The following PHACTR4 variants were observed in gnomAD, a reference collection of about 807,000 sequenced individuals.
PHACTR4 encodes the protein phosphatase and actin regulator 4.
In PHACTR4, 51 loss-of-function variants were observed where a neutral mutation model predicts 72.7. The observed-to-expected ratio is 0.70, with a 90% CI of 0.56 to 0.89. The LOEUF (loss-of-function observed/expected upper bound fraction) is 0.89, where lower values mean the gene tolerates loss of function less well. Among genes scored for constraint, PHACTR4 ranks in the 40% least tolerant of loss-of-function variants. PHACTR4 has a pLI of 0.00. For missense variants in PHACTR4, 731 were observed against 861.8 expected (o/e 0.85, Z 1.90); for synonymous variants, 255 against 302.5 (o/e 0.84, Z 1.63).
chr1:28,459,400 T>C (rs1226851795), intron 3 of PHACTR4, 142 bp downstream of exon 3: 6 of 572,984 alleles, frequency 1.0e-5, no homozygotes, highest in African/African-American at 6.2e-5. Context: ...TTCTTCTTTT[T>C]TTTTTTTTTT....
chr1:28,412,262 A>G (rs924286444), intron 2 of PHACTR4, among the ~76,000 whole-genome samples: 1 of 152,216 alleles, frequency 6.6e-6, no homozygotes, highest in Non-Finnish European at 1.5e-5. Context: ...CCTGTCAGCT[A>G]TCTAAGCTTG....
intron 1 of PHACTR4, among the ~76,000 whole-genome samples, chr1:28,378,774 T>C (rs887928797): frequency 9.2e-5 from 14 of 151,506 alleles, no homozygotes; most frequent in African/African-American, 2.9e-4. Context: ...TAGGAGGAAA[T>C]AGAATGAAAA....
At chr1:28,439,139 A>C (rs1656824651) in intron 2 of PHACTR4, among the ~76,000 whole-genome samples, 1 of 152,174 alleles carries the variant, frequency 6.6e-6, no homozygotes, top group South Asian at 2.1e-4. Flanking sequence ...AAACAGTTTT[A>C]AGCAGATGTT....
rs202199834 is a variant in PHACTR4, at chr1:28,491,030, T to A, written c.1878+18T>A. ...CTAGAAAGGTACTACTGCCTGTGTG[T>A]TCAGTTAACTATATGTGTTATATTT... On this transcript the variant is annotated intron_variant, in intron 11 of 13. Transcript: ENST00000373839. 5.0e-6 allele frequency: 8 copies of A among 1,604,400 alleles called. No individual in the cohort carries two copies. The highest frequency in any genetic ancestry group is 1.7e-4 in the Middle Eastern group (1 of 6,052).
At chr1:28,391,961 C>T (rs958874860) in intron 1 of PHACTR4, among the ~76,000 whole-genome samples, 1 of 152,058 alleles carries the variant, frequency 6.6e-6, no homozygotes, top group Non-Finnish European at 1.5e-5. Flanking sequence ...TAAGTGTTCT[C>T]ACCACAAAGA....
chr1:28,461,540 T>C (rs1360563575), intron 4 of PHACTR4, among the ~76,000 whole-genome samples: 1 of 152,214 alleles, frequency 6.6e-6, no homozygotes, highest in Non-Finnish European at 1.5e-5. Flanking sequence ...CATGCGAATA[T>C]ATTGCCTATT....
chr1:28,401,377 G>A (rs1277513463), intron 1 of PHACTR4, among the ~76,000 whole-genome samples: 1 of 149,176 alleles, frequency 6.7e-6, no homozygotes, highest in African/African-American at 2.5e-5. Context: ...CACGATCTTG[G>A]CTCACTGCAA....
At chr1:28,467,828 C>T (rs552016045) in intron 6 of PHACTR4, among the ~76,000 whole-genome samples, 1 of 151,994 alleles carries the variant, frequency 6.6e-6, no homozygotes, top group African/African-American at 2.4e-5. Context: ...TGCATTTACC[C>T]AAAGTTCTAT....
intron 9 of PHACTR4, among the ~76,000 whole-genome samples, chr1:28,488,288 G>A (rs542056209): frequency 1.3e-5 from 2 of 152,008 alleles, no homozygotes; most frequent in South Asian, 2.1e-4. Context: ...ACAAGGTCAG[G>A]AGATCGAGAC....
intron 1 of PHACTR4, among the ~76,000 whole-genome samples, chr1:28,379,958 T>G (rs1652021155): frequency 6.6e-6 from 1 of 152,020 alleles, no homozygotes. Context: ...TATTCTCAAC[T>G]TGTGTTTCTA....
intron 2 of PHACTR4, among the ~76,000 whole-genome samples, chr1:28,427,698 T>C (rs1413978111): frequency 6.6e-6 from 1 of 152,168 alleles, no homozygotes; most frequent in Non-Finnish European, 1.5e-5. Context: ...CACCTTATTT[T>C]CCTTTCCTCC....
At position 28,491,633 on chromosome 1, in the gene PHACTR4, G is replaced by T. The variant is rs975198085; in HGVS notation, c.1879-17G>T. 1.9e-6 allele frequency: 3 copies of T among 1,613,746 alleles called. No individual in the cohort carries two copies. The highest frequency in any genetic ancestry group is 2.7e-5 in the African/African-American group (2 of 74,898). ...TAATTATTGGCTTGGTGAACTAAGA[G>T]GCTCCGTTTCCTTCAGCTCAGTCAA... On this transcript the variant is annotated splice_polypyrimidine_tract_variant and intron_variant, in intron 11 of 13. Coordinates refer to ENST00000373839, the MANE Select transcript of PHACTR4 (RefSeq NM_001048183.3).
At chr1:28,392,485 C>T (rs1347231248) in intron 1 of PHACTR4, among the ~76,000 whole-genome samples, 1 of 151,952 alleles carries the variant, frequency 6.6e-6, no homozygotes, top group East Asian at 1.9e-4. Context: ...TCACTGCAAC[C>T]TCCACCTCCT....
In PHACTR4 at chr1:28,476,145, C is replaced by A; in HGVS notation, c.1460C>A (p.Ser487Tyr). 3 of 1,613,350 alleles carry A rather than the reference C, an allele frequency of 1.9e-6. No homozygotes were observed. Among genetic ancestry groups the A allele is most frequent in the South Asian group, 2.2e-5 (2 of 90,918 alleles). Residue 487 changes from serine (S) to tyrosine (Y), a missense_variant, in exon 8 of 14, where the codon TCC becomes TAC. This residue lies in a region of PHACTR4 where 621 missense variants were observed against 676.6 expected (regional missense o/e 0.92). Coordinates refer to ENST00000373839, the MANE Select transcript of PHACTR4 (RefSeq NM_001048183.3). ...GAAGAAGAGGAGCAAACCTGTCCAT[C>A]CACATTCAGTGAAGAAATGACACCT... ...DEEEEEQTCP[S>Y]TFSEEMTPTS...
At chr1:28,391,539 CAGAA>C (rs1407586263) in intron 1 of PHACTR4, among the ~76,000 whole-genome samples, 11 of 139,926 alleles carry the variant, frequency 7.9e-5, no homozygotes, top group Non-Finnish European at 1.5e-4. Context: ...TTCTGTTAGA[CAGAA>C]GGAATAAGCA....
rs937672749 is a variant in PHACTR4 at position 28,433,310 on chromosome 1, G to A, written c.17-25775G>A. Reference sequence around the variant, plus strand: ...TTAATGTCATTAGTGTGCCAGTATCGTCCTACCTTTCTGCTTGTCTACTTA... The same window carrying A: ...TTAATGTCATTAGTGTGCCAGTATCATCCTACCTTTCTGCTTGTCTACTTA... On this transcript the variant is annotated intron_variant, in intron 2 of 13. Transcript: ENST00000373839. Among the ~76,000 whole-genome samples the A allele has an allele frequency of 1.9e-4, 29 of 151,902 alleles. No individual in the cohort carries two copies. The East Asian group carries it at 3.7e-3, about 19-fold the overall frequency.
intron 1 of PHACTR4, among the ~76,000 whole-genome samples, chr1:28,400,952 A>G (rs987986395): frequency 6.6e-5 from 10 of 152,092 alleles, no homozygotes; most frequent in Non-Finnish European, 1.0e-4. Flanking sequence ...TAGGCCTTCA[A>G]ATCTTGTTCC....
intron 2 of PHACTR4, among the ~76,000 whole-genome samples, chr1:28,448,828 A>G (rs1321296383): frequency 4.6e-5 from 6 of 129,790 alleles, no homozygotes; most frequent in African/African-American, 1.7e-4. Context: ...TACAGATCCA[A>G]TAACTTTGTT....
chr1:28,412,817 A>G (rs753137864), intron 2 of PHACTR4, among the ~76,000 whole-genome samples: 1 of 152,172 alleles, frequency 6.6e-6, no homozygotes, highest in Non-Finnish European at 1.5e-5. Context: ...GTCATGAGTA[A>G]AGTTAAGATT....
Sources: gnomAD v4.1 joint callset for allele counts (sites outside exome capture counted in the v4.1 genomes callset) on GRCh38, gnomAD v4.1.1 for gene constraint, gnomAD v4.1.1 regional missense constraint, MANE v1.5 for transcripts, NCBI Gene and HGNC (gene_info 2026-07-23, HGNC 2026-07-21) for gene names.